NEGR1: variants seen among roughly 807,000 people sequenced by gnomAD.
NEGR1 encodes neuronal growth regulator 1, also known as IgLON family member 4.
A neutral mutation model predicts 40.9 loss-of-function variants in NEGR1; 10 were observed. That is an observed-to-expected ratio of 0.24 (90% confidence interval 0.15 to 0.42). The LOEUF (loss-of-function observed/expected upper bound fraction) is 0.42, where lower values mean the gene tolerates loss of function less well. Among genes scored for constraint, NEGR1 ranks in the 10% least tolerant of loss-of-function variants. The pLI is 1.00. For synonymous variants in NEGR1, 185 were observed against 166.8 expected, an observed-to-expected ratio of 1.11 and a Z score of -0.84; for missense variants, 352 against 438.9, an observed-to-expected ratio of 0.80 and a Z score of 1.77.
intron 3 of NEGR1, among the ~76,000 whole-genome samples, chr1:71,765,727 T>C (rs1324344008): frequency 2.0e-5 from 3 of 152,198 alleles, no homozygotes; most frequent in Admixed American, 1.3e-4. Flanking sequence ...CATTATTCAC[T>C]ATTCCTAAAA....
At chr1:72,083,236 ACCTTCTT>A (rs1264126021) in intron 1 of NEGR1, among the ~76,000 whole-genome samples, 1 of 151,708 alleles carries the variant, frequency 6.6e-6, no homozygotes, top group Non-Finnish European at 1.5e-5. Flanking sequence ...CTCTCTCACT[ACCTTCTT>A]CCATCCCTTC....
intron 6 of NEGR1, among the ~76,000 whole-genome samples, chr1:71,522,153 A>G (rs1189363477): frequency 6.6e-6 from 1 of 151,998 alleles, no homozygotes; most frequent in African/African-American, 2.4e-5. Context: ...GTATGATGGG[A>G]TTAAAAAGGA....
intron 1 of NEGR1, among the ~76,000 whole-genome samples, chr1:71,980,761 G>T (rs1022022264): frequency 6.6e-6 from 1 of 152,054 alleles, no homozygotes; most frequent in Admixed American, 6.6e-5. Context: ...TCTAGGTTGT[G>T]GTGTGCCACT....
intron 5 of NEGR1, among the ~76,000 whole-genome samples, chr1:71,608,293 TG>T (rs1238855572): frequency 6.6e-6 from 1 of 152,164 alleles, no homozygotes; most frequent in Non-Finnish European, 1.5e-5. Flanking sequence ...GTGAGTGTGT[TG>T]GGGAGGACAT....
At chr1:71,942,485 T>TATATATATA (rs61271690) in intron 1 of NEGR1, among the ~76,000 whole-genome samples, 25 of 4,982 alleles carry the variant, frequency 5.0e-3, no homozygotes, top group Non-Finnish European at 7.3e-3. Flanking sequence ...ATATATATAT[T>TATATATATA]TTTTTTTTTT....
chr1:72,211,325 T>C (rs756791845), intron 1 of NEGR1, among the ~76,000 whole-genome samples: 1 of 151,734 alleles, frequency 6.6e-6, no homozygotes, highest in Non-Finnish European at 1.5e-5. Flanking sequence ...AAAGGAGCCT[T>C]TATAAAGCCT....
chr1:72,220,932 A>G (rs192727410), intron 1 of NEGR1, among the ~76,000 whole-genome samples: 1 of 70,032 alleles, frequency 1.4e-5, no homozygotes, highest in African/African-American at 4.0e-5. Context: ...TTTTTTTTTT[A>G]ATAACAAAGA....
At chr1:71,672,243 G>A (rs994882320) in intron 4 of NEGR1, among the ~76,000 whole-genome samples, 9 of 151,946 alleles carry the variant, frequency 5.9e-5, no homozygotes, top group African/African-American at 1.2e-4. Context: ...CAATGTTATC[G>A]CTTTGTAAAA....
intron 1 of NEGR1, among the ~76,000 whole-genome samples, chr1:72,209,223 T>C (rs993122076): frequency 7.3e-5 from 11 of 151,694 alleles, no homozygotes; most frequent in African/African-American, 2.4e-4. Context: ...AAAAATAGTA[T>C]ATGATCTCAT....
At chr1:72,143,914 A>AATATATATATACATATATATATAT (rs1650793122) in intron 1 of NEGR1, among the ~76,000 whole-genome samples, 1 of 130,614 alleles carries the variant, frequency 7.7e-6, no homozygotes, top group African/African-American at 3.0e-5. Context: ...TGATATATAT[A>AATATATATATACATATATATATAT]ATATATATAT....
chr1:71,812,274 C>T (rs2101763890), intron 2 of NEGR1, among the ~76,000 whole-genome samples: 1 of 152,214 alleles, frequency 6.6e-6, no homozygotes, highest in South Asian at 2.1e-4. Context: ...ATATGTACCA[C>T]ATTTTCTTTA....
intron 2 of NEGR1, among the ~76,000 whole-genome samples, chr1:71,932,108 A>C (rs1645860731): frequency 6.6e-6 from 1 of 152,174 alleles, no homozygotes; most frequent in Non-Finnish European, 1.5e-5. Flanking sequence ...CCATTGGATA[A>C]AGAAAAAATA....
chr1:71,662,688 A>C (rs1553156791), intron 4 of NEGR1, among the ~76,000 whole-genome samples: 1 of 151,166 alleles, frequency 6.6e-6, no homozygotes, highest in Non-Finnish European at 1.5e-5. Context: ...TACAATCAAG[A>C]ATATATATAT....
At chr1:71,802,895 T>C (rs1657610804) in intron 2 of NEGR1, among the ~76,000 whole-genome samples, 1 of 152,174 alleles carries the variant, frequency 6.6e-6, no homozygotes, top group Non-Finnish European at 1.5e-5. Context: ...GACTCACCTA[T>C]ATTCTATTTA....
chr1:71,816,577 A>T (rs2101769901), intron 2 of NEGR1, among the ~76,000 whole-genome samples: 1 of 152,160 alleles, frequency 6.6e-6, no homozygotes, highest in Middle Eastern at 3.4e-3. Flanking sequence ...ACAGCATGAT[A>T]AATACACACC....
chr1:71,916,969 C>G (rs567688341), intron 2 of NEGR1, among the ~76,000 whole-genome samples: 64 of 152,206 alleles, frequency 4.2e-4, no homozygotes, highest in South Asian at 1.0e-3. Flanking sequence ...CAACGGGAGT[C>G]TGGGAAAAAG....
intron 2 of NEGR1, among the ~76,000 whole-genome samples, chr1:71,850,090 T>TTGTGTG (rs34916819): frequency 2.6e-4 from 39 of 150,552 alleles, no homozygotes; most frequent in African/African-American, 8.3e-4. Flanking sequence ...TTACATACCA[T>TTGTGTG]TGTGTGTGTG....
chr1:71,769,975 A>C, intron 3 of NEGR1, among the ~76,000 whole-genome samples: 1 of 152,148 alleles, frequency 6.6e-6, no homozygotes, highest in Non-Finnish European at 1.5e-5. Context: ...TTTTTCTAAG[A>C]TGTTACTTTT....
chr1:72,278,320 C>T (rs540835927), intron 1 of NEGR1, among the ~76,000 whole-genome samples: 15 of 151,952 alleles, frequency 9.9e-5, no homozygotes, highest in South Asian at 4.1e-4. Context: ...ATCAGAAAGG[C>T]GGCTAAAAAA....
Sources: gnomAD v4.1 joint callset for allele counts (sites outside exome capture counted in the v4.1 genomes callset) on GRCh38, gnomAD v4.1.1 for gene constraint, MANE v1.5 for transcripts, NCBI Gene and HGNC (gene_info 2026-07-23, HGNC 2026-07-21) for gene names.